OPCML: variants seen among roughly 807,000 people sequenced by gnomAD.
OPCML encodes opioid-binding protein/cell adhesion molecule.
A neutral mutation model predicts 37.8 loss-of-function variants in OPCML; 13 were observed. The observed-to-expected ratio is 0.34, with a 90% CI of 0.22 to 0.55. OPCML has a LOEUF of 0.55. Among genes scored for constraint, OPCML ranks in the 20% least tolerant of loss-of-function variants. The pLI is 0.91. For missense variants in OPCML, 341 were observed against 435.6 expected (o/e 0.78, Z 1.93); for synonymous variants, 176 against 168.8 (o/e 1.04, Z -0.33).
chr11:132,509,391 T>C (rs2096263993), intron 4 of OPCML, among the ~76,000 whole-genome samples: 1 of 152,100 alleles, frequency 6.6e-6, no homozygotes, highest in Admixed American at 6.5e-5. Flanking sequence ...CTGCAGAAAT[T>C]TGAGCAAGTA....
At chr11:133,007,992 A>G (rs1947144132) in intron 1 of OPCML, 13 of 985,336 alleles carry the variant, frequency 1.3e-5, no homozygotes, top group African/African-American at 1.7e-5. Flanking sequence ...ATGTCTGCAT[A>G]TGCTTCAAGT....
chr11:133,140,841 C>CGACGACGACGACGAAGAAGAA (rs1565468165), intron 1 of OPCML, among the ~76,000 whole-genome samples: 4 of 5,926 alleles, frequency 6.7e-4, no homozygotes, highest in African/African-American at 9.8e-4. Context: ...ACGAAGAAGA[C>CGACGACGACGACGAAGAAGAA]GACGACGACG....
intron 2 of OPCML, among the ~76,000 whole-genome samples, chr11:132,695,977 A>G (rs1396094538): frequency 6.6e-6 from 1 of 152,178 alleles, no homozygotes; most frequent in African/African-American, 2.4e-5. Context: ...ACAACAGAGG[A>G]TGAAATGGCA....
intron 1 of OPCML, among the ~76,000 whole-genome samples, chr11:133,187,232 C>T (rs918491950): frequency 1.3e-5 from 2 of 152,128 alleles, no homozygotes; most frequent in Non-Finnish European, 2.9e-5. Context: ...GTGATCTGCA[C>T]CTACAGCCAC....
At chr11:132,583,228 A>AT (rs1212161595) in intron 3 of OPCML, among the ~76,000 whole-genome samples, 1 of 151,918 alleles carries the variant, frequency 6.6e-6, no homozygotes, top group Non-Finnish European at 1.5e-5. Flanking sequence ...CACCTGGCTA[A>AT]TTTTTTTAAA....
chr11:133,155,653 A>G (rs1186840595), intron 1 of OPCML, among the ~76,000 whole-genome samples: 2 of 152,198 alleles, frequency 1.3e-5, no homozygotes, highest in Non-Finnish European at 2.9e-5. Flanking sequence ...CTATATGTCT[A>G]TATCCATATC....
intron 3 of OPCML, among the ~76,000 whole-genome samples, chr11:132,652,010 C>A (rs544263398): frequency 1.6e-3 from 248 of 152,236 alleles, no homozygotes; most frequent in African/African-American, 5.7e-3. Context: ...CTATCTCCAA[C>A]AAACAACGAC....
chr11:132,470,567 T>A (rs2096134840), intron 4 of OPCML, among the ~76,000 whole-genome samples: 1 of 152,184 alleles, frequency 6.6e-6, no homozygotes, highest in African/African-American at 2.4e-5. Context: ...AACGCATGAA[T>A]GTGTTTGAAG....
intron 4 of OPCML, among the ~76,000 whole-genome samples, chr11:132,451,877 A>T (rs1263874626): frequency 6.6e-6 from 1 of 152,122 alleles, no homozygotes; most frequent in Non-Finnish European, 1.5e-5. Context: ...GTAACTTTCT[A>T]GGTTTTTTGT....
At chr11:133,422,501 C>A in intron 1 of OPCML, 1 of 982,756 alleles carries the variant, frequency 1.0e-6, no homozygotes, top group Non-Finnish European at 1.2e-6. Flanking sequence ...TGCTAGGAAC[C>A]ACTCATTTCT....
intron 1 of OPCML, among the ~76,000 whole-genome samples, chr11:133,272,867 C>A (rs865878180): frequency 6.6e-6 from 1 of 152,198 alleles, no homozygotes; most frequent in Non-Finnish European, 1.5e-5. Flanking sequence ...CAAGTTTCTA[C>A]GAAGTGAGGA....
intron 3 of OPCML, among the ~76,000 whole-genome samples, chr11:132,572,534 G>A (rs1384639019): frequency 6.6e-6 from 1 of 151,924 alleles, no homozygotes; most frequent in African/African-American, 2.4e-5. Flanking sequence ...TATATTCTTG[G>A]CACCCTTGTT....
At chr11:133,031,555 TTGG>T (rs1480832530) in intron 1 of OPCML, among the ~76,000 whole-genome samples, 3 of 150,364 alleles carry the variant, frequency 2.0e-5, no homozygotes, top group Non-Finnish European at 4.4e-5. Flanking sequence ...GGATGGATGG[TTGG>T]TGGATGGATG....
chr11:132,841,107 G>A (rs1158520817), intron 2 of OPCML, among the ~76,000 whole-genome samples: 1 of 152,112 alleles, frequency 6.6e-6, no homozygotes, highest in African/African-American at 2.4e-5. Context: ...AAAGTGCCTG[G>A]CACAAGTAAG....
intron 2 of OPCML, among the ~76,000 whole-genome samples, chr11:132,745,649 G>A (rs963569574): frequency 6.6e-6 from 1 of 151,800 alleles, no homozygotes; most frequent in East Asian, 1.9e-4. Context: ...TTTCTTGAGG[G>A]TTTTTCTCCA....
chr11:133,165,991 A>G lies in OPCML; in HGVS notation c.62-222981T>C, dbSNP rs114508073. 9.4e-3 allele frequency among the ~76,000 whole-genome samples: 1,436 copies of G among 152,292 alleles called. 23 individuals carry two copies. The highest frequency in any genetic ancestry group is 0.033 in the African/African-American group (1,371 of 41,560). ...AGACAATGCCTCTTCATCTTGAAAG[A>G]CTTAGCGAATGCCTATTCTGTGTCA... is the stretch of plus-strand genomic sequence containing the variant. On this transcript the variant is annotated intron_variant, in intron 1 of 7. Transcript: ENST00000524381.
rs542699396 is a variant in OPCML at position 133,241,776 on chromosome 11, G to A, written c.61+290488C>T. ...TCAGGAACACACCTTCATCTCCCAT[G>A]GTTCACCACCCACTGCGGGCCATCC... On this transcript the variant is annotated intron_variant, in intron 1 of 7. Coordinates refer to ENST00000524381, the MANE Select transcript of OPCML (RefSeq NM_001012393.5). Among the ~76,000 whole-genome samples the A allele has an allele frequency of 9.2e-4, 140 of 152,280 alleles. 1 individual carries two copies. The highest frequency in any genetic ancestry group is 3.3e-3 in the African/African-American group (139 of 41,552).
intron 2 of OPCML, among the ~76,000 whole-genome samples, chr11:132,818,438 G>T (rs184296901): frequency 1.3e-5 from 2 of 151,614 alleles, no homozygotes; most frequent in Non-Finnish European, 2.9e-5. Flanking sequence ...ACGATCTAGC[G>T]CAAGAGGGCA....
intron 3 of OPCML, among the ~76,000 whole-genome samples, chr11:132,538,860 C>T (rs2096347934): frequency 6.6e-6 from 1 of 152,142 alleles, no homozygotes; most frequent in East Asian, 1.9e-4. Context: ...CACACTTTTG[C>T]ATGTGCTGTT....
Sources: gnomAD v4.1 joint callset for allele counts (sites outside exome capture counted in the v4.1 genomes callset) on GRCh38, gnomAD v4.1.1 for gene constraint, MANE v1.5 for transcripts, NCBI Gene and HGNC (gene_info 2026-07-23, HGNC 2026-07-21) for gene names.